Variants in CRADD observed in about 807,000 individuals in gnomAD.
The protein encoded by CRADD is CARD and death domain containing adaptor protein.
Under a neutral mutation model 15.5 loss-of-function variants are expected in CRADD, and 9 were observed. That is an observed-to-expected ratio of 0.58 (90% CI 0.35 to 1.01). CRADD has a LOEUF of 1.01. CRADD is among the 50% of genes least tolerant of loss of function. The probability of loss-of-function intolerance (pLI) is 0.02; values close to 1 mark genes in which losing one functional copy is unlikely to be tolerated. For missense variants in CRADD, 227 were observed against 250.3 expected (o/e 0.91, Z 0.63); for synonymous variants, 118 against 107.6 (o/e 1.10, Z -0.60).
At chr12:93,678,704 T>C in intron 1 of CRADD, 65 bp from the exon 2 acceptor site, 1 of 1,530,020 alleles carries the variant, frequency 6.5e-7, no homozygotes, top group Non-Finnish European at 8.8e-7. Context: ...TACATTGCAG[T>C]GACACTGTCT....
rs1956026658 is a variant in CRADD at position 93,709,699 on chromosome 12, T to C, written c.298+30627T>C. Among the ~76,000 whole-genome samples the C allele has an allele frequency of 2.0e-5, 3 of 152,226 alleles. No individual in the cohort carries two copies. The South Asian group carries it at 6.2e-4, about 31-fold the overall frequency. ...TTAAGTTGATTCCATGTCTTTGCTG[T>C]TGTGAATAGTGCTTCGGTGAACATT... On this transcript the variant is annotated intron_variant, in intron 2 of 2. Coordinates refer to ENST00000332896, the MANE Select transcript of CRADD (RefSeq NM_003805.5).
rs114449094 is a variant in CRADD, at chr12:93,818,569, G to A, written c.299-31401G>A. On this transcript the variant is annotated intron_variant, in intron 2 of 2. Coordinates refer to ENST00000332896, the MANE Select transcript of CRADD (RefSeq NM_003805.5). The stretch of plus-strand genomic sequence containing the variant: ...TGGGAGGTGGGGAGGAACAAAAACC[G>A]TGGGAGTGATAGAGGCCAGTTGGCA... Among the ~76,000 whole-genome samples, 1,164 of 152,294 alleles carry A rather than the reference G, an allele frequency of 7.6e-3. 12 individuals are homozygous for A. The highest frequency in any genetic ancestry group is 0.027 in the African/African-American group (1,105 of 41,560).
At chr12:93,744,152 G>A (rs955072998) in intron 2 of CRADD, among the ~76,000 whole-genome samples, 5 of 152,148 alleles carry the variant, frequency 3.3e-5, no homozygotes, top group African/African-American at 1.2e-4. Flanking sequence ...TGGCTCTCCT[G>A]GCTTCTGTGC....
intron 2 of CRADD, among the ~76,000 whole-genome samples, chr12:93,785,376 G>A (rs561431870): frequency 2.0e-5 from 3 of 152,272 alleles, no homozygotes; most frequent in African/African-American, 7.2e-5. Context: ...ACTCCAAAGG[G>A]TAGTGGCTTG....
intron 2 of CRADD, among the ~76,000 whole-genome samples, chr12:93,735,095 T>G (rs577484711): frequency 1.3e-5 from 2 of 152,310 alleles, no homozygotes; most frequent in South Asian, 4.1e-4. Context: ...TCACCGCTGT[T>G]TCCCTGGCTA....
intron 2 of CRADD, among the ~76,000 whole-genome samples, chr12:93,764,232 C>T (rs530558097): frequency 1.4e-5 from 2 of 142,192 alleles, no homozygotes; most frequent in East Asian, 4.3e-4. Flanking sequence ...GCTCTGTGAG[C>T]AGTGAATTGG....
intron 2 of CRADD, among the ~76,000 whole-genome samples, chr12:93,845,404 C>A (rs917279198): frequency 1.3e-5 from 2 of 152,082 alleles, no homozygotes; most frequent in African/African-American, 2.4e-5. Context: ...CTGTGAAATG[C>A]TGCAGCAGAG....
chr12:93,843,782 G>A (rs1958078425), intron 2 of CRADD, among the ~76,000 whole-genome samples: 1 of 151,550 alleles, frequency 6.6e-6, no homozygotes, highest in Non-Finnish European at 1.5e-5. Context: ...GTGCAGTGAT[G>A]CGATCTCAGC....
At chr12:93,864,689 G>A (rs1176128160) in intron 2 of CRADD, among the ~76,000 whole-genome samples, 2 of 152,132 alleles carry the variant, frequency 1.3e-5, no homozygotes, top group African/African-American at 2.4e-5. Flanking sequence ...TCTGGCACAC[G>A]AAGTCATGAT....
intron 2 of CRADD, among the ~76,000 whole-genome samples, chr12:93,736,118 C>G (rs956636169): frequency 6.6e-6 from 1 of 152,068 alleles, no homozygotes; most frequent in South Asian, 2.1e-4. Context: ...TTTAAGCTCC[C>G]CTTTTTTTGC....
rs1006981701 is a variant in CRADD, at chr12:93,885,913, C to T, written c.299-8137C>T. Among the ~76,000 whole-genome samples, 4 of 152,158 alleles carry T rather than the reference C, an allele frequency of 2.6e-5. 1 individual carries two copies. The East Asian group carries it at 7.8e-4, about 29-fold the overall frequency. ...AGTTAGCCAGGGATGATGGCACGCA[C>T]CTGTAATCCCAGCTACTTGGGAGGC... On this transcript the variant is annotated intron_variant, in intron 2 of 2. Coordinates refer to the CRADD transcript ENST00000548483.
At chr12:93,694,112 A>G (rs895317072) in intron 2 of CRADD, among the ~76,000 whole-genome samples, 49 of 152,152 alleles carry the variant, frequency 3.2e-4, no homozygotes, top group Admixed American at 1.8e-3. Flanking sequence ...TGAATTTAAC[A>G]GCACAGTAAA....
chr12:93,887,190 G>A (rs1355769567), intron 2 of CRADD, among the ~76,000 whole-genome samples: 4 of 152,134 alleles, frequency 2.6e-5, no homozygotes, highest in East Asian at 1.9e-4. Flanking sequence ...TTACCCAATC[G>A]TCCAAAGGTC....
chr12:93,882,547 G>T (rs1398461941), intron 2 of CRADD, among the ~76,000 whole-genome samples: 2 of 151,468 alleles, frequency 1.3e-5, no homozygotes, highest in Non-Finnish European at 2.9e-5. Context: ...GTATATAAAA[G>T]ATTTGTATGG....
At chr12:93,809,182 G>A (rs1957590233) in intron 2 of CRADD, among the ~76,000 whole-genome samples, 1 of 152,120 alleles carries the variant, frequency 6.6e-6, no homozygotes, top group South Asian at 2.1e-4. Context: ...CCAAAGTGCT[G>A]GGATTACAGG....
At chr12:93,812,867 C>T (rs150798213) in intron 2 of CRADD, among the ~76,000 whole-genome samples, 4 of 152,280 alleles carry the variant, frequency 2.6e-5, no homozygotes, top group Admixed American at 2.6e-4. Flanking sequence ...TCGCAATATA[C>T]CGCATCTTGA....
In CRADD at chr12:93,850,572, AATATATATCCATATAT is replaced by A. The variant is rs765539348; in HGVS notation, c.*322_*337del. 631 of 998,888 alleles carry A rather than the reference AATATATATCCATATAT, an allele frequency of 6.3e-4. No individual in the cohort carries two copies. Among genetic ancestry groups the A allele is most frequent in the South Asian group, 2.7e-3 (72 of 26,766 alleles). The allele number at this position is 998,888 out of a possible 1,614,324, so 61.9% of individuals were successfully genotyped here. On this transcript the variant is annotated 3_prime_UTR_variant, in exon 3 of 3. Transcript: ENST00000332896. The surrounding 1 kb of genome is among the most constrained non-coding windows in gnomAD (Gnocchi z 4.0). Reference sequence around the variant, plus strand: ...AGACTAGTAAATCACAGTGGTTCAAAATATATATCCATATATATATATATCCATATATATATCTCAT... The same window carrying A: ...AGACTAGTAAATCACAGTGGTTCAAAATATATATCCATATATATATCTCAT...
intron 2 of CRADD, among the ~76,000 whole-genome samples, chr12:93,762,167 C>T (rs1268813193): frequency 6.6e-6 from 1 of 152,170 alleles, no homozygotes; most frequent in Non-Finnish European, 1.5e-5. Flanking sequence ...CTTTTCTGGT[C>T]TGCATCATGA....
In CRADD at chr12:93,738,993, G is replaced by A. The variant is rs74436788; in HGVS notation, c.298+59921G>A. Reference sequence around the variant, plus strand: ...TCATTTTAATTTCCATTAATAAAATGTGACTTTGAAAGGATGCAGGGAGTT... The same window carrying A: ...TCATTTTAATTTCCATTAATAAAATATGACTTTGAAAGGATGCAGGGAGTT... On this transcript the variant is annotated intron_variant, in intron 2 of 2. Transcript: ENST00000332896. Among the ~76,000 whole-genome samples the A allele has an allele frequency of 1.9e-3, 291 of 152,298 alleles. 2 individuals carry two copies. Among genetic ancestry groups the A allele is most frequent in the African/African-American group, 6.8e-3 (284 of 41,562 alleles).
Sources: gnomAD v4.1 joint callset for allele counts (sites outside exome capture counted in the v4.1 genomes callset) on GRCh38, gnomAD v4.1.1 for gene constraint, Gnocchi (gnomAD v3.1) non-coding constraint, MANE v1.5 for transcripts, NCBI Gene and HGNC (gene_info 2026-07-23, HGNC 2026-07-21) for gene names.